Variants in TDRD12 observed in about 807,000 individuals in gnomAD.
TDRD12 encodes putative ATP-dependent RNA helicase TDRD12.
A neutral mutation model predicts 133.5 loss-of-function variants in TDRD12; 158 were observed. The observed-to-expected ratio is 1.18, with a 90% CI of 1.04 to 1.35. The LOEUF is 1.35. Among genes scored for constraint, TDRD12 ranks in the 40% most tolerant of loss-of-function variants. TDRD12 has a pLI of 0.00. For missense variants in TDRD12, 1,443 were observed against 1,321.3 expected, an observed-to-expected ratio of 1.09 and a Z score of -1.43; for synonymous variants, 460 against 477.9, an observed-to-expected ratio of 0.96 and a Z score of 0.49.
At chr19:32,764,327 G>T (rs948133784) in intron 8 of TDRD12, among the ~76,000 whole-genome samples, 3 of 151,908 alleles carry the variant, frequency 2.0e-5, no homozygotes, top group Non-Finnish European at 4.4e-5. Context: ...AGCCAGGATG[G>T]TCTAGATCCC....
chr19:32,754,469 C>CA (rs899151384), intron 6 of TDRD12, among the ~76,000 whole-genome samples: 6 of 151,434 alleles, frequency 4.0e-5, no homozygotes, highest in African/African-American at 7.3e-5. Context: ...CAAAAACAAA[C>CA]AAAAAAAACC....
intron 6 of TDRD12, among the ~76,000 whole-genome samples, chr19:32,750,623 C>T (rs1420694246): frequency 2.0e-5 from 3 of 152,122 alleles, no homozygotes; most frequent in Non-Finnish European, 4.4e-5. Flanking sequence ...TTGACAGTTT[C>T]CCGGCTGATT....
At chr19:32,721,505 C>T (rs1489667029) in intron 1 of TDRD12, among the ~76,000 whole-genome samples, 3 of 151,890 alleles carry the variant, frequency 2.0e-5, no homozygotes, top group Non-Finnish European at 4.4e-5. Flanking sequence ...CCTGCCTCAG[C>T]CTCCCGAGTA....
At chr19:32,747,301 G>T (rs1969682068) in intron 4 of TDRD12, among the ~76,000 whole-genome samples, 1 of 152,118 alleles carries the variant, frequency 6.6e-6, no homozygotes, top group Non-Finnish European at 1.5e-5. Context: ...TGTGTAACAA[G>T]GTTTTAGAAC....
At chr19:32,815,513 TTTGTCC>T in exon 26 of TDRD12, 1 of 1,536,518 alleles carries the variant, frequency 6.5e-7, no homozygotes, top group East Asian at 2.4e-5. Flanking sequence ...GAGCTGAAAT[TTTGTCC>T]ATGGGCATGG....
chr19:32,748,434 C>T (rs1023228006), intron 4 of TDRD12, 42 bp from the exon 5 acceptor site: 1 of 1,540,748 alleles, frequency 6.5e-7, no homozygotes, highest in Non-Finnish European at 8.8e-7. Flanking sequence ...GTGCTAGCCT[C>T]AGATTTTTAT....
exon 23 of TDRD12, chr19:32,810,179 T>G: frequency 1.3e-6 from 2 of 1,535,944 alleles, no homozygotes; most frequent in Non-Finnish European, 8.7e-7. Context: ...CTCTCAATGC[T>G]GAAATGAATG....
intron 11 of TDRD12, among the ~76,000 whole-genome samples, chr19:32,780,442 CA>C (rs1252674924): frequency 6.6e-6 from 1 of 152,208 alleles, no homozygotes; most frequent in African/African-American, 2.4e-5. Context: ...AACAGCAATG[CA>C]TGTCGAAGCC....
intron 16 of TDRD12, among the ~76,000 whole-genome samples, chr19:32,799,181 G>A (rs990791594): frequency 6.6e-6 from 1 of 152,100 alleles, no homozygotes; most frequent in Non-Finnish European, 1.5e-5. Context: ...ATGCACTTGG[G>A]AGTAATGATG....
intron 1 of TDRD12, among the ~76,000 whole-genome samples, chr19:32,724,089 G>A (rs1968781630): frequency 6.6e-6 from 1 of 152,088 alleles, no homozygotes; most frequent in South Asian, 2.1e-4. Flanking sequence ...TCAAACTCCT[G>A]GGCTCAAGCA....
chr19:32,752,754 T>G (rs1969868951), intron 6 of TDRD12, among the ~76,000 whole-genome samples: 1 of 151,894 alleles, frequency 6.6e-6, no homozygotes, highest in Admixed American at 6.6e-5. Flanking sequence ...CATTTTGTTA[T>G]TTGCCAGACC....
chr19:32,719,889 T>G (rs1968565040), exon 1 of TDRD12: 1 of 675,586 alleles, frequency 1.5e-6, no homozygotes, highest in Non-Finnish European at 2.5e-6. Flanking sequence ...GACCCCGGGG[T>G]CCGCGAGGGC....
exon 28 of TDRD12, chr19:32,821,116 C>A (rs543081485): frequency 6.5e-7 from 1 of 1,535,900 alleles, no homozygotes; most frequent in South Asian, 1.2e-5. Flanking sequence ...GAGTCCAAGA[C>A]GAGCTCAGAA....
At chr19:32,739,976 G>A (rs567296369) in intron 3 of TDRD12, among the ~76,000 whole-genome samples, 1 of 123,614 alleles carries the variant, frequency 8.1e-6, no homozygotes, top group African/African-American at 3.3e-5. Flanking sequence ...CATCTCCTGG[G>A]TGCTGTCTGC....
intron 1 of TDRD12, among the ~76,000 whole-genome samples, chr19:32,721,423 T>C (rs1234262892): frequency 2.6e-5 from 4 of 152,158 alleles, no homozygotes; most frequent in African/African-American, 9.7e-5. Flanking sequence ...TTCGCTCTTG[T>C]TGTCTAGGCT....
At chr19:32,740,119 A>C (rs111623879) in intron 3 of TDRD12, among the ~76,000 whole-genome samples, 1 of 46,340 alleles carries the variant, frequency 2.2e-5, no homozygotes, top group Non-Finnish European at 4.2e-5. Context: ...TCTCCTGGGT[A>C]CTCTCTGCAT....
chr19:32,743,887 G>A (rs1969509715), intron 4 of TDRD12, among the ~76,000 whole-genome samples: 1 of 151,796 alleles, frequency 6.6e-6, no homozygotes, highest in Non-Finnish European at 1.5e-5. Flanking sequence ...AATTAGCCTG[G>A]CGTGGTGGTA....
chr19:32,764,356 C>T (rs780340100), intron 8 of TDRD12, among the ~76,000 whole-genome samples: 2 of 152,044 alleles, frequency 1.3e-5, no homozygotes, highest in Non-Finnish European at 2.9e-5. Flanking sequence ...GTGATCTGCC[C>T]ACCTCAGCCT....
intron 11 of TDRD12, among the ~76,000 whole-genome samples, chr19:32,787,682 C>T (rs1970948538): frequency 6.6e-6 from 1 of 152,204 alleles, no homozygotes; most frequent in Non-Finnish European, 1.5e-5. Flanking sequence ...CTCCCGCATC[C>T]CAGGTCGATC....
Sources: gnomAD v4.1 joint callset for allele counts (sites outside exome capture counted in the v4.1 genomes callset) on GRCh38, gnomAD v4.1.1 for gene constraint, MANE v1.5 for transcripts, NCBI Gene and HGNC (gene_info 2026-07-23, HGNC 2026-07-21) for gene names.